Variants in MTHFD1L observed in about 807,000 individuals in gnomAD.
MTHFD1L encodes the protein methylenetetrahydrofolate dehydrogenase (NADP+ dependent) 1 like.
Under a neutral mutation model 119.5 loss-of-function variants are expected in MTHFD1L, and 81 were observed. The observed-to-expected ratio is 0.68, with a 90% CI of 0.57 to 0.82. The LOEUF is 0.82. MTHFD1L is among the 40% of genes least tolerant of loss of function. The probability of loss-of-function intolerance (pLI) is 0.00; values close to 1 mark genes in which losing one functional copy is unlikely to be tolerated. For synonymous variants in MTHFD1L, 430 were observed against 475.2 expected, an observed-to-expected ratio of 0.90 and a Z score of 1.24; for missense variants, 1,125 against 1,253.4, an observed-to-expected ratio of 0.90 and a Z score of 1.55.
chr6:150,906,419 C>G (rs1785914917), intron 8 of MTHFD1L, among the ~76,000 whole-genome samples: 1 of 152,250 alleles, frequency 6.6e-6, no homozygotes, highest in South Asian at 2.1e-4. Context: ...CCGGGTCCAG[C>G]AGGAGCCGGC....
At chr6:150,922,408 A>G (rs1789118073) in intron 10 of MTHFD1L, 106 bp downstream of exon 10, 6 of 756,760 alleles carry the variant, frequency 7.9e-6, no homozygotes, top group Admixed American at 5.7e-5. Flanking sequence ...TTTTGATGGT[A>G]GATAAGTTTC....
intron 19 of MTHFD1L, among the ~76,000 whole-genome samples, chr6:150,968,154 C>T (rs1797496857): frequency 6.6e-6 from 1 of 152,044 alleles, no homozygotes; most frequent in Non-Finnish European, 1.5e-5. Context: ...CCTCTGCTGT[C>T]ATTGCAGTAC....
rs199845049 is a variant in MTHFD1L, at chr6:150,922,194, C to G, written c.985-11C>G. On this transcript the variant is annotated splice_polypyrimidine_tract_variant and intron_variant, in intron 9 of 27. Transcript: ENST00000367321. Reference sequence around the variant, plus strand: ...CATTCTAACATGTTTTCCCCTCTATCCCTGCTGAAGAACATGGTCAGTAGT... The same window carrying G: ...CATTCTAACATGTTTTCCCCTCTATGCCTGCTGAAGAACATGGTCAGTAGT... The G allele has an allele frequency of 1.2e-6, 2 of 1,607,160 alleles. No homozygotes were observed. The highest frequency in any genetic ancestry group is 1.7e-5 in the Admixed American group (1 of 59,964).
intron 26 of MTHFD1L, among the ~76,000 whole-genome samples, chr6:151,062,164 C>T (rs924798316): frequency 1.8e-4 from 28 of 152,150 alleles, no homozygotes; most frequent in Admixed American, 9.2e-4. Context: ...AGGCCGGGTG[C>T]GGTGGCTCAC....
intron 26 of MTHFD1L, among the ~76,000 whole-genome samples, chr6:151,074,072 G>A (rs1379111723): frequency 2.6e-5 from 4 of 152,146 alleles, no homozygotes; most frequent in South Asian, 2.1e-4. Context: ...ACTAGAAGGT[G>A]GTAGGTCAAT....
At position 150,922,287 on chromosome 6, in the gene MTHFD1L, T is replaced by C; in HGVS notation, c.1067T>C (p.Leu356Pro). 1 of 1,613,892 alleles carries C rather than the reference T, an allele frequency of 6.2e-7. No homozygotes were observed. The highest frequency in any genetic ancestry group is 8.5e-7 in the Non-Finnish European group (1 of 1,179,822). Residue 356 changes from leucine to proline, a missense_variant, in exon 10 of 28, where the codon CTC becomes CCC. Around this residue, in one of 3 missense-constraint regions of MTHFD1L, gnomAD observed 1,058 missense variants for 1,151.2 expected, o/e 0.92. Transcript: ENST00000367321. ...CTTCACTGCTTGAAACTTCAGCCTC[T>C]CTCCCCTGTGCCAAGGTAACACTGG... ...WRLHCLKLQP[L>P]SPVPSDIEIS...
At chr6:151,099,133 A>T (rs193097471) in intron 27 of MTHFD1L, among the ~76,000 whole-genome samples, 62 of 150,658 alleles carry the variant, frequency 4.1e-4, no homozygotes, top group Non-Finnish European at 7.5e-4. Flanking sequence ...CTGATATCGC[A>T]TCGCTGCACT....
chr6:150,888,122 T>C, intron 7 of MTHFD1L, 141 bp downstream of exon 7: 1 of 894,082 alleles, frequency 1.1e-6, no homozygotes, highest in Non-Finnish European at 1.5e-6. Flanking sequence ...AGACATTGAA[T>C]GAGTCTACTC....
chr6:151,015,565 G>T lies in MTHFD1L; in HGVS notation c.2458G>T (p.Ala820Ser). The change falls in exon 24 of 28, where the codon GCT becomes TCT. Residue 820 changes from alanine to serine, a missense_variant. Physicochemically the swap from Ala to Ser is moderately conservative, Grantham distance 99 (BLOSUM62 1). This residue lies in a region of MTHFD1L where 1,058 missense variants were observed against 1,151.2 expected (regional missense o/e 0.92). Transcript: ENST00000367321. The stretch of plus-strand genomic sequence containing the variant: ...CTTGGTGTGTGAGCTTGCAAAGCGG[G>T]CTGGTGCCTTTGATGCAGTCCCCTG... ...IDLVCELAKR[A>S]GAFDAVPCYH... is the part of the protein sequence containing the mutation. 6.2e-7 allele frequency: 1 copy of T among 1,614,172 alleles called. No individual in the cohort carries two copies. The highest frequency in any genetic ancestry group is 8.5e-7 in the Non-Finnish European group (1 of 1,180,032).
intron 8 of MTHFD1L, among the ~76,000 whole-genome samples, chr6:150,906,170 A>G (rs1014134655): frequency 6.6e-6 from 1 of 152,202 alleles, no homozygotes. Context: ...GAGGGATGGG[A>G]ATAGGATCAG....
intron 26 of MTHFD1L, among the ~76,000 whole-genome samples, chr6:151,048,331 TCTTAC>T (rs1192052946): frequency 1.2e-4 from 18 of 152,280 alleles, no homozygotes; most frequent in Admixed American, 6.5e-4. Flanking sequence ...TTGTGTGTCC[TCTTAC>T]CTTACCAAGT....
chr6:150,876,084 A>G lies in MTHFD1L; in HGVS notation c.228-6A>G. ...AATCACAATGTTGTTTTCTTTCTCA[A>G]TGTAGAGAAGTCATTCAGAATTCAA... On this transcript the variant is annotated splice_polypyrimidine_tract_variant and splice_region_variant and intron_variant, in intron 1 of 27. Coordinates refer to ENST00000367321, the MANE Select transcript of MTHFD1L (RefSeq NM_015440.5). 2.5e-6 allele frequency: 4 copies of G among 1,591,608 alleles called. No individual in the cohort carries two copies. Among genetic ancestry groups the G allele is most frequent in the Non-Finnish European group, 3.4e-6 (4 of 1,162,454 alleles).
chr6:151,090,854 A>T (rs2128649590), intron 26 of MTHFD1L, among the ~76,000 whole-genome samples: 1 of 145,812 alleles, frequency 6.9e-6, no homozygotes, highest in East Asian at 2.0e-4. Context: ...GCTCCATGTG[A>T]CTGGGTGCAG....
chr6:150,910,758 TC>T, intron 8 of MTHFD1L, among the ~76,000 whole-genome samples: 1 of 152,194 alleles, frequency 6.6e-6, no homozygotes, highest in South Asian at 2.1e-4. Context: ...CTGGTCCACT[TC>T]CTGCATTCCT....
chr6:150,905,523 A>G (rs1452672694), intron 7 of MTHFD1L, 127 bp from the exon 8 acceptor site: 2 of 678,348 alleles, frequency 2.9e-6, no homozygotes, highest in East Asian at 2.6e-5. Context: ...AAGCGATTCC[A>G]TCCTTGTCAG....
At chr6:151,009,456 C>T (rs1488877111) in intron 20 of MTHFD1L, among the ~76,000 whole-genome samples, 1 of 152,072 alleles carries the variant, frequency 6.6e-6, no homozygotes, top group Non-Finnish European at 1.5e-5. Context: ...ATCGCTTGTG[C>T]CCGGGAGGCA....
At chr6:151,021,082 G>A (rs559312279) in intron 24 of MTHFD1L, among the ~76,000 whole-genome samples, 1 of 152,302 alleles carries the variant, frequency 6.6e-6, no homozygotes, top group African/African-American at 2.4e-5. Flanking sequence ...TGCAAATTAA[G>A]TTTAAACCTT....
At chr6:151,099,952 T>C (rs1795228086) in intron 27 of MTHFD1L, 1 of 996,600 alleles carries the variant, frequency 1.0e-6, no homozygotes, top group Non-Finnish European at 1.6e-6. Flanking sequence ...TGTGCACATT[T>C]TCTGTTTAAA....
At chr6:150,976,673 A>G (rs879489630) in intron 20 of MTHFD1L, among the ~76,000 whole-genome samples, 20 of 152,346 alleles carry the variant, frequency 1.3e-4, no homozygotes, top group Admixed American at 3.3e-4. Flanking sequence ...CTGCATTAAG[A>G]AGTAAACTGT....
Sources: allele counts gnomAD v4.1 joint callset (sites outside exome capture counted in the v4.1 genomes callset), GRCh38; gene constraint gnomAD v4.1.1; regional missense constraint gnomAD v4.1.1; transcripts MANE v1.5; gene names NCBI Gene and HGNC (gene_info 2026-07-23, HGNC 2026-07-21).